The following ULK4 variants were observed in gnomAD, a reference collection of about 807,000 sequenced individuals.
ULK4 encodes the protein inactive serine/threonine-protein kinase ULK4.
In ULK4, 133 loss-of-function variants were observed where a neutral mutation model predicts 160.6. The ratio of observed to expected loss-of-function variants is 0.83; its 90% confidence interval spans 0.72 to 0.96. The LOEUF is 0.96. Ranked by LOEUF, ULK4 falls within the 40% of genes least tolerant of loss-of-function variation. The pLI is 0.00. For synonymous variants in ULK4, 534 were observed against 539.8 expected (o/e 0.99, Z 0.15); for missense variants, 1,580 against 1,499.5 (o/e 1.05, Z -0.89).
chr3:41,453,719 G>A (rs556202717), intron 34 of ULK4, among the ~76,000 whole-genome samples: 7 of 151,992 alleles, frequency 4.6e-5, no homozygotes, highest in African/African-American at 1.4e-4. Context: ...CATGCAATAC[G>A]GTCTTGCATT....
chr3:41,378,832 A>G (rs185477837), intron 35 of ULK4, among the ~76,000 whole-genome samples: 186 of 151,956 alleles, frequency 1.2e-3, no homozygotes, highest in Admixed American at 3.7e-3. Flanking sequence ...ATAAAATAAA[A>G]AAGAAAATGT....
intron 27 of ULK4, among the ~76,000 whole-genome samples, chr3:41,689,673 A>G (rs1294648768): frequency 6.6e-6 from 1 of 152,254 alleles, no homozygotes; most frequent in Admixed American, 6.5e-5. Context: ...TTATGCAGCT[A>G]AAACACACAT....
intron 35 of ULK4, among the ~76,000 whole-genome samples, chr3:41,286,357 G>A (rs985338419): frequency 6.6e-6 from 1 of 152,106 alleles, no homozygotes; most frequent in African/African-American, 2.4e-5. Flanking sequence ...CCAGAGCCAG[G>A]ATTTGGCATT....
chr3:41,783,893 A>G (rs1183008062), intron 21 of ULK4, among the ~76,000 whole-genome samples: 3 of 152,190 alleles, frequency 2.0e-5, no homozygotes, highest in Non-Finnish European at 2.9e-5. Flanking sequence ...TGCAGGAAAC[A>G]TTAACAGCTT....
At chr3:41,886,327 A>G (rs1222148117) in intron 16 of ULK4, among the ~76,000 whole-genome samples, 2 of 152,180 alleles carry the variant, frequency 1.3e-5, no homozygotes, top group Non-Finnish European at 2.9e-5. Context: ...TGATCCATGA[A>G]GGCAGGGCTG....
chr3:41,638,116 G>C (rs1266629235), intron 30 of ULK4, among the ~76,000 whole-genome samples: 1 of 152,140 alleles, frequency 6.6e-6, no homozygotes, highest in Non-Finnish European at 1.5e-5. Context: ...AAGGCAAACA[G>C]TGGTGTACGA....
intron 32 of ULK4, among the ~76,000 whole-genome samples, chr3:41,546,328 G>T (rs1691955): frequency 0.51 from 77,505 of 151,740 alleles, 19,908 homozygotes; most frequent in Middle Eastern, 0.57. Context: ...GATTTAATCC[G>T]TAGACCAAGG....
intron 30 of ULK4, among the ~76,000 whole-genome samples, chr3:41,645,181 G>A (rs574129999): frequency 1.5e-4 from 22 of 149,074 alleles, no homozygotes; most frequent in Admixed American, 1.2e-3. Flanking sequence ...GGTTTTTTGT[G>A]TCGTATTTCC....
chr3:41,351,747 A>G (rs992926315), intron 35 of ULK4, among the ~76,000 whole-genome samples: 3 of 152,118 alleles, frequency 2.0e-5, no homozygotes, highest in Admixed American at 2.0e-4. Context: ...TCCAAGCAAG[A>G]TGGGAAGAAG....
intron 35 of ULK4, among the ~76,000 whole-genome samples, chr3:41,304,544 A>G (rs1162667521): frequency 6.6e-6 from 1 of 152,160 alleles, no homozygotes; most frequent in Non-Finnish European, 1.5e-5. Flanking sequence ...GCAGAGATCA[A>G]CCCTAGTTGA....
At chr3:41,911,185 G>A (rs1055146968) in intron 11 of ULK4, 132 bp downstream of exon 11, 7 of 840,102 alleles carry the variant, frequency 8.3e-6, no homozygotes, top group Admixed American at 8.1e-5. Context: ...AAATTGGAGA[G>A]TGAAACTGGC....
At chr3:41,630,491 T>C (rs2033697902) in intron 30 of ULK4, among the ~76,000 whole-genome samples, 1 of 152,094 alleles carries the variant, frequency 6.6e-6, no homozygotes, top group Non-Finnish European at 1.5e-5. Context: ...AAGCCTCAAA[T>C]CTCTTGGACT....
intron 32 of ULK4, among the ~76,000 whole-genome samples, chr3:41,500,114 T>C (rs1398406495): frequency 6.6e-6 from 1 of 152,046 alleles, no homozygotes; most frequent in African/African-American, 2.4e-5. Flanking sequence ...TTATCAGTCA[T>C]TTCAAAGATC....
At chr3:41,514,616 T>C (rs2085691788) in intron 32 of ULK4, among the ~76,000 whole-genome samples, 1 of 152,228 alleles carries the variant, frequency 6.6e-6, no homozygotes, top group Non-Finnish European at 1.5e-5. Context: ...AATGAAATCA[T>C]GTCTTTTGCA....
intron 22 of ULK4, among the ~76,000 whole-genome samples, chr3:41,742,882 T>C (rs551771374): frequency 1.3e-5 from 2 of 150,212 alleles, no homozygotes; most frequent in Admixed American, 6.6e-5. Context: ...GCAGAACCAG[T>C]GGACATGACT....
At chr3:41,424,141 T>C (rs1259705322) in intron 34 of ULK4, among the ~76,000 whole-genome samples, 2 of 152,010 alleles carry the variant, frequency 1.3e-5, no homozygotes, top group East Asian at 3.9e-4. Flanking sequence ...CAGGAGGAAT[T>C]CTTCACAGGG....
At chr3:41,935,017 ATTTTTTT>A (rs10635589) in intron 4 of ULK4, among the ~76,000 whole-genome samples, 8 of 112,876 alleles carry the variant, frequency 7.1e-5, no homozygotes, top group Admixed American at 2.3e-4. Context: ...TTATTTATTA[ATTTTTTT>A]TTTTTTTTTT....
At chr3:41,888,923 CTTTATTTAAAGGAGA>C (rs1232122060) in intron 16 of ULK4, among the ~76,000 whole-genome samples, 5 of 152,120 alleles carry the variant, frequency 3.3e-5, no homozygotes, top group Non-Finnish European at 7.3e-5. Flanking sequence ...CATACCAACC[CTTTATTTAAAGGAGA>C]GGCTATTGGA....
At chr3:41,582,953 C>A (rs1443931743) in intron 31 of ULK4, among the ~76,000 whole-genome samples, 1 of 152,148 alleles carries the variant, frequency 6.6e-6, no homozygotes, top group Non-Finnish European at 1.5e-5. Context: ...TTGTTTTCAA[C>A]TTTAGAATCA....
Sources: gnomAD v4.1 joint callset for allele counts (sites outside exome capture counted in the v4.1 genomes callset) on GRCh38, gnomAD v4.1.1 for gene constraint, MANE v1.5 for transcripts, NCBI Gene and HGNC (gene_info 2026-07-23, HGNC 2026-07-21) for gene names.